The following CGNL1 variants were observed in gnomAD, a reference collection of about 807,000 sequenced individuals.
The protein encoded by CGNL1 is cingulin like 1, also known as cingulin-like protein 1.
In CGNL1, 132 loss-of-function variants were observed where a neutral mutation model predicts 141.2. The ratio of observed to expected loss-of-function variants is 0.93; its 90% confidence interval spans 0.81 to 1.08. The LOEUF (loss-of-function observed/expected upper bound fraction) is 1.08, where lower values mean the gene tolerates loss of function less well. Among genes scored for constraint, CGNL1 ranks in the 50% least tolerant of loss-of-function variants. The pLI, the probability that CGNL1 is intolerant of heterozygous loss-of-function variation, is 0.00. For missense variants in CGNL1, 1,870 were observed against 1,588.6 expected, an observed-to-expected ratio of 1.18 and a Z score of -3.01; for synonymous variants, 690 against 622.1, an observed-to-expected ratio of 1.11 and a Z score of -1.63.
At chr15:57,380,347 G>A (rs113631873) in intron 1 of CGNL1, among the ~76,000 whole-genome samples, 4 of 152,108 alleles carry the variant, frequency 2.6e-5, no homozygotes, top group Non-Finnish European at 5.9e-5. Context: ...AGTAGCCCCT[G>A]TTACTAGCAA....
At chr15:57,467,567 T>TA (rs758215561) in intron 8 of CGNL1, among the ~76,000 whole-genome samples, 24 of 151,878 alleles carry the variant, frequency 1.6e-4, no homozygotes, top group Admixed American at 6.6e-4. Flanking sequence ...AAACTGACTG[T>TA]AAAAAACAAA....
chr15:57,381,119 T>C (rs1018936244), intron 1 of CGNL1, among the ~76,000 whole-genome samples: 13 of 152,232 alleles, frequency 8.5e-5, no homozygotes, highest in African/African-American at 2.9e-4. Flanking sequence ...TATTTGTTTA[T>C]TGACTGCCTT....
intron 14 of CGNL1, among the ~76,000 whole-genome samples, chr15:57,537,757 A>G (rs1293680296): frequency 6.6e-6 from 1 of 152,220 alleles, no homozygotes; most frequent in African/African-American, 2.4e-5. Context: ...GGAATCTGAT[A>G]CTGTGATTTC....
intron 1 of CGNL1, among the ~76,000 whole-genome samples, chr15:57,399,763 G>T (rs1191000290): frequency 6.6e-6 from 1 of 152,016 alleles, no homozygotes; most frequent in Non-Finnish European, 1.5e-5. Context: ...TAGCACTCTG[G>T]GCGGGGAGCC....
chr15:57,545,985 G>A, intron 17 of CGNL1, 91 bp from the exon 18 acceptor site: 3 of 1,432,946 alleles, frequency 2.1e-6, no homozygotes, highest in Non-Finnish European at 2.9e-6. Flanking sequence ...TGTCTTGGTT[G>A]CCTGGGGAGA....
chr15:57,444,977 C>T (rs16953327), intron 4 of CGNL1, among the ~76,000 whole-genome samples: 1 of 151,958 alleles, frequency 6.6e-6, no homozygotes, highest in Non-Finnish European at 1.5e-5. Context: ...AAAGCTAATG[C>T]CTGTCTAGGT....
intron 3 of CGNL1, among the ~76,000 whole-genome samples, 191 bp from the exon 4 acceptor site, chr15:57,442,182 G>GGAAAAAAA (rs1491455852): frequency 1.3e-4 from 13 of 96,506 alleles, no homozygotes; most frequent in Admixed American, 7.3e-4. Flanking sequence ...TCATTTATTT[G>GGAAAAAAA]AAAAAAAAAA....
intron 14 of CGNL1, among the ~76,000 whole-genome samples, chr15:57,537,019 G>A (rs1249708198): frequency 6.6e-6 from 1 of 152,204 alleles, no homozygotes; most frequent in Non-Finnish European, 1.5e-5. Context: ...GATTCAAATA[G>A]CCAAAGAGAG....
intron 1 of CGNL1, among the ~76,000 whole-genome samples, chr15:57,424,409 C>T (rs1280814309): frequency 6.6e-6 from 1 of 152,204 alleles, no homozygotes; most frequent in African/African-American, 2.4e-5. Flanking sequence ...TATTCATCCT[C>T]ACTCTCCCTA....
chr15:57,424,236 G>A (rs1449301008), intron 1 of CGNL1, among the ~76,000 whole-genome samples: 2 of 152,112 alleles, frequency 1.3e-5, no homozygotes, highest in African/African-American at 2.4e-5. Context: ...CTCTCTACCT[G>A]GCACTCACAC....
At chr15:57,426,612 A>ATTTTTTTT (rs35055374) in intron 1 of CGNL1, among the ~76,000 whole-genome samples, 2 of 119,644 alleles carry the variant, frequency 1.7e-5, no homozygotes, top group Non-Finnish European at 1.7e-5. Context: ...ATGCTTGGCT[A>ATTTTTTTT]TTTTTTTTTT....
intron 1 of CGNL1, chr15:57,406,211 G>C (rs1216876726): frequency 6.6e-6 from 1 of 152,638 alleles, no homozygotes; most frequent in Admixed American, 6.5e-5. Context: ...AGCAACAGGA[G>C]GGTGAGACCT....
intron 4 of CGNL1, among the ~76,000 whole-genome samples, chr15:57,444,558 G>A (rs188342692): frequency 2.3e-4 from 35 of 152,282 alleles, no homozygotes; most frequent in Admixed American, 5.9e-4. Flanking sequence ...GTCCTTGTGG[G>A]TCACAGACTA....
Position 57,439,171 on chromosome 15 carries a change from G to A in CGNL1, c.1172G>A (p.Ser391Asn). 7 of 1,614,220 alleles carry A rather than the reference G, an allele frequency of 4.3e-6. No homozygotes were observed. Among genetic ancestry groups the A allele is most frequent in the Non-Finnish European group, 5.1e-6 (6 of 1,180,044 alleles). The part of the protein sequence containing the change: ...DDRKRSRSVD[S>N]AFPFGLQGNS... ...AGGAAAAGATCCAGAAGCGTGGATA[G>A]CGCCTTTCCTTTTGGCCTCCAAGGG... Residue 391 changes from serine to asparagine, a missense_variant, in exon 2 of 19, where the codon AGC becomes AAC. Transcript: ENST00000281282.
intron 1 of CGNL1, among the ~76,000 whole-genome samples, chr15:57,425,741 A>C (rs1440492973): frequency 3.6e-5 from 1 of 27,874 alleles, no homozygotes; most frequent in Non-Finnish European, 7.8e-5. Context: ...AGCCTGTCTC[A>C]AAAAAAAAAA....
At chr15:57,377,719 G>A (rs1446976685) in intron 1 of CGNL1, among the ~76,000 whole-genome samples, 1 of 152,222 alleles carries the variant, frequency 6.6e-6, no homozygotes, top group East Asian at 1.9e-4. Context: ...AAGGAGGTGG[G>A]AGTGTAGGCA....
chr15:57,437,733 C>G (rs1595702719), intron 1 of CGNL1, among the ~76,000 whole-genome samples: 2 of 150,210 alleles, frequency 1.3e-5, no homozygotes, highest in African/African-American at 4.9e-5. Context: ...CACGGGTTGT[C>G]TGCCCTCAGG....
At chr15:57,529,454 A>C (rs1243826731) in intron 13 of CGNL1, among the ~76,000 whole-genome samples, 1 of 152,150 alleles carries the variant, frequency 6.6e-6, no homozygotes, top group Admixed American at 6.5e-5. Flanking sequence ...AAGTAACAGA[A>C]TCTAAGTGTG....
At chr15:57,456,101 G>A (rs952705830) in intron 7 of CGNL1, among the ~76,000 whole-genome samples, 4 of 152,060 alleles carry the variant, frequency 2.6e-5, no homozygotes, top group Non-Finnish European at 2.9e-5. Context: ...TATGATCTAC[G>A]GTTTCTACGT....
Sources: allele counts gnomAD v4.1 joint callset (sites outside exome capture counted in the v4.1 genomes callset), GRCh38; gene constraint gnomAD v4.1.1; transcripts MANE v1.5; gene names NCBI Gene and HGNC (gene_info 2026-07-23, HGNC 2026-07-21).